The following MYCBP2 variants were observed in gnomAD, a reference collection of about 807,000 sequenced individuals.
MYCBP2 encodes MYC binding protein 2.
Under a neutral mutation model 525.3 loss-of-function variants are expected in MYCBP2, and 120 were observed. The observed-to-expected ratio is 0.23, with a 90% CI of 0.20 to 0.27. The LOEUF is 0.27. Ranked by LOEUF, MYCBP2 falls within the 10% of genes least tolerant of loss-of-function variation. MYCBP2 has a pLI of 1.00. For missense variants in MYCBP2, 4,149 were observed against 5,657.1 expected, an observed-to-expected ratio of 0.73 and a Z score of 8.55; for synonymous variants, 1,894 against 1,955.8, an observed-to-expected ratio of 0.97 and a Z score of 0.83.
chr13:77,135,787 G>A (rs1025550105), intron 52 of MYCBP2, among the ~76,000 whole-genome samples: 3 of 151,204 alleles, frequency 2.0e-5, no homozygotes, highest in Admixed American at 6.6e-5. Context: ...ACTTTAAATT[G>A]TGTCTTATGG....
At chr13:77,131,946 A>G (rs1191321201) in intron 52 of MYCBP2, among the ~76,000 whole-genome samples, 3 of 152,214 alleles carry the variant, frequency 2.0e-5, no homozygotes, top group African/African-American at 7.2e-5. Context: ...TCATGCAAAT[A>G]AAAGAAAAAA....
At position 77,093,243 on chromosome 13, in the gene MYCBP2, G is replaced by A; in HGVS notation, c.10289C>T (p.Pro3430Leu). The A allele has an allele frequency of 6.2e-7, 1 of 1,613,280 alleles. No homozygotes were observed. Among genetic ancestry groups the A allele is most frequent in the Non-Finnish European group, 8.5e-7 (1 of 1,179,466 alleles). Residue 3430 changes from proline to leucine, a missense_variant, in exon 59 of 83, where the codon CCG becomes CTG. Pro to Leu is a moderately conservative substitution (Grantham distance 98). Transcript: ENST00000544440. ...RYLRSTSVPA[P>L]YISVTPDASP... ...TGCATCAGGAGTTACTGATATATACGGGGCAGGTACAGATGTTGAACGTAG... is the reference window on the plus strand; with the variant it reads ...TGCATCAGGAGTTACTGATATATACAGGGCAGGTACAGATGTTGAACGTAG...
intron 3 of MYCBP2, among the ~76,000 whole-genome samples, chr13:77,284,153 T>C (rs1224330533): frequency 1.3e-5 from 2 of 151,488 alleles, no homozygotes; most frequent in African/African-American, 4.9e-5. Flanking sequence ...TAAATAATAA[T>C]TTAAAACTCA....
At chr13:77,074,944 C>T (rs985269395) in intron 68 of MYCBP2, among the ~76,000 whole-genome samples, 3 of 152,176 alleles carry the variant, frequency 2.0e-5, no homozygotes, top group South Asian at 2.1e-4. Context: ...CATGGTGGCT[C>T]ATATCTGTAA....
At position 77,285,539 on chromosome 13, in the gene MYCBP2, C is replaced by A. The variant is rs571042316; in HGVS notation, c.594+2622G>T. Among the ~76,000 whole-genome samples the A allele has an allele frequency of 2.0e-5, 3 of 152,322 alleles. No individual in the cohort carries two copies. The East Asian group carries it at 5.8e-4, about 29-fold the overall frequency. ...CGGTGACTCACACCTGTAATCCCAG[C>A]ACTTTGGGAGGCCAAGGTGGGTAGA... On this transcript the variant is annotated intron_variant, in intron 3 of 82. Transcript: ENST00000544440.
intron 37 of MYCBP2, among the ~76,000 whole-genome samples, chr13:77,172,206 T>G (rs903806978): frequency 2.1e-5 from 3 of 143,198 alleles, no homozygotes; most frequent in Middle Eastern, 3.4e-3. Flanking sequence ...CTGACCTGAA[T>G]TTTTTTTTTT....
chr13:77,176,557 T>C lies in MYCBP2; in HGVS notation c.5412A>G (p.Thr1804=), dbSNP rs367938429. 14 of 1,602,786 alleles carry C rather than the reference T, an allele frequency of 8.7e-6. No homozygotes were observed. The African/African-American group carries it at 1.6e-4, about 18-fold the overall frequency. Residue 1804 remains threonine (T), a synonymous_variant, in exon 36 of 83, where the codon ACA becomes ACG. Coordinates refer to ENST00000544440, the MANE Select transcript of MYCBP2 (RefSeq NM_015057.5). ...CTATATCACTGGGTGAGTCATCCGT[T>C]GTGTACGTTCCTTTCACTAATTCCA... The part of the protein sequence containing the change: ...TSLELVKGTY[T]TDDSPSDIAE...
Position 77,057,118 on chromosome 13 carries a change from A to G in MYCBP2, c.13330-25T>C, listed in dbSNP as rs1366638902. 7 of 1,466,034 alleles carry G rather than the reference A, an allele frequency of 4.8e-6. No homozygotes were observed. In the South Asian group the frequency reaches 5.7e-5, roughly 12 times the overall value. The allele number at this position is 1,466,034 out of a possible 1,614,324, so 90.8% of individuals were successfully genotyped here. A position where few individuals can be genotyped will look rare whatever the true frequency, so the allele number is the denominator to read the frequency against. ...GCTTAAATAAACAAAAGAAAAGGACATAAGCAAATATAATAATGATAAACA... is the reference window on the plus strand; with the variant it reads ...GCTTAAATAAACAAAAGAAAAGGACGTAAGCAAATATAATAATGATAAACA... On this transcript the variant is annotated intron_variant, in intron 78 of 82. Coordinates refer to ENST00000544440, the MANE Select transcript of MYCBP2 (RefSeq NM_015057.5).
chr13:77,281,136 A>C (rs549315192), intron 3 of MYCBP2, among the ~76,000 whole-genome samples: 1 of 152,334 alleles, frequency 6.6e-6, no homozygotes, highest in African/African-American at 2.4e-5. Context: ...AGTCAATGAA[A>C]ACACATATTT....
chr13:77,176,496 C>A lies in MYCBP2; in HGVS notation c.5472+1G>T. 1.3e-6 allele frequency: 2 copies of A among 1,577,094 alleles called. No homozygotes were observed. Among genetic ancestry groups the A allele is most frequent in the South Asian group, 1.2e-5 (1 of 83,760 alleles). ...CAATAGAAACATTCAGTTGAAACTA[C>A]CTTTAAAGGAACCACTTTGTCAAGT... On this transcript the variant is annotated splice_donor_variant, in intron 36 of 82. Transcript: ENST00000544440. LOFTEE classifies it high-confidence loss of function.
chr13:77,067,806 A>G lies in MYCBP2; in HGVS notation c.12230T>C (p.Ile4077Thr). ...PEVTPSRLAS[I>T]IGVKSLPPAD... ...TGGGGGGAGGGATTTCACTCCTATG[A>G]TGCTGGCCAGACGACTAGGGGTTAC... Residue 4077 changes from isoleucine (I) to threonine (T), a missense_variant, in exon 71 of 83, where the codon ATC (isoleucine) becomes ACC (threonine). This residue lies in a region of MYCBP2 where 148 missense variants were observed against 179.4 expected (regional missense o/e 0.82). Transcript: ENST00000544440. The G allele has an allele frequency of 6.2e-7, 1 of 1,614,168 alleles. No individual in the cohort carries two copies. Among genetic ancestry groups the G allele is most frequent in the Non-Finnish European group, 8.5e-7 (1 of 1,179,992 alleles).
intron 52 of MYCBP2, among the ~76,000 whole-genome samples, chr13:77,137,139 T>C (rs1030205422): frequency 1.3e-5 from 2 of 152,192 alleles, no homozygotes; most frequent in Admixed American, 1.3e-4. Context: ...CTCTAACCTT[T>C]GTTACTCCCT....
chr13:77,179,221 A>C (rs1273919539), intron 34 of MYCBP2, among the ~76,000 whole-genome samples: 1 of 152,226 alleles, frequency 6.6e-6, no homozygotes, highest in African/African-American at 2.4e-5. Flanking sequence ...AAAGATTAGG[A>C]ATTATAAAAG....
intron 14 of MYCBP2, among the ~76,000 whole-genome samples, chr13:77,256,776 T>G (rs926939720): frequency 6.6e-6 from 1 of 152,088 alleles, no homozygotes; most frequent in Non-Finnish European, 1.5e-5. Context: ...TGTACACTGT[T>G]AGTGAGAATG....
At chr13:77,142,024 T>C (rs1232836968) in intron 49 of MYCBP2, among the ~76,000 whole-genome samples, 10 of 152,106 alleles carry the variant, frequency 6.6e-5, no homozygotes, top group Non-Finnish European at 1.3e-4. Context: ...AAAACAAATA[T>C]AAGTGGATTT....
intron 73 of MYCBP2, 141 bp from the exon 74 acceptor site, chr13:77,062,838 G>A (rs1187220582): frequency 1.5e-6 from 1 of 654,678 alleles, no homozygotes; most frequent in Non-Finnish European, 2.7e-6. Flanking sequence ...AAGTCTTCCT[G>A]ATGTGGTAGC....
intron 18 of MYCBP2, among the ~76,000 whole-genome samples, chr13:77,231,716 A>G (rs565190424): frequency 8.5e-5 from 13 of 152,354 alleles, no homozygotes; most frequent in Non-Finnish European, 1.6e-4. Flanking sequence ...GTTTCATGAA[A>G]TGTGAATATT....
intron 4 of MYCBP2, among the ~76,000 whole-genome samples, chr13:77,274,698 T>C (rs78588845): frequency 2.0e-5 from 3 of 152,176 alleles, no homozygotes; most frequent in African/African-American, 7.2e-5. Flanking sequence ...CATCATCATC[T>C]TTCCAATCCA....
chr13:77,217,244 C>A (rs1262712596), intron 21 of MYCBP2, among the ~76,000 whole-genome samples: 2 of 152,110 alleles, frequency 1.3e-5, no homozygotes, highest in East Asian at 3.9e-4. Flanking sequence ...TGAAATGGTA[C>A]AAGAGTATTA....
Sources: gnomAD v4.1 joint callset for allele counts (sites outside exome capture counted in the v4.1 genomes callset) on GRCh38, gnomAD v4.1.1 for gene constraint, gnomAD v4.1.1 regional missense constraint, MANE v1.5 for transcripts, NCBI Gene and HGNC (gene_info 2026-07-23, HGNC 2026-07-21) for gene names.